The following SRRM4 variants were observed in gnomAD, a reference collection of about 807,000 sequenced individuals.
SRRM4 encodes serine/arginine repetitive matrix protein 4.
A neutral mutation model predicts 68.9 loss-of-function variants in SRRM4; 33 were observed. The observed-to-expected ratio is 0.48, with a 90% CI of 0.36 to 0.64. The LOEUF (loss-of-function observed/expected upper bound fraction) is 0.64. Ranked by LOEUF, SRRM4 falls within the 30% of genes least tolerant of loss-of-function variation. The probability of loss-of-function intolerance (pLI) is 0.00; values close to 1 mark genes in which losing one functional copy is unlikely to be tolerated. For missense variants in SRRM4, 817 were observed against 827.1 expected (o/e 0.99, Z 0.15); for synonymous variants, 318 against 318.8 (o/e 1.00, Z 0.03).
At chr12:119,005,418 A>G (rs957595528) in intron 1 of SRRM4, among the ~76,000 whole-genome samples, 3 of 152,138 alleles carry the variant, frequency 2.0e-5, no homozygotes, top group Non-Finnish European at 2.9e-5. Context: ...CCTGGGCCCC[A>G]CCTCCAGACA....
At chr12:119,107,984 A>G (rs889775357) in intron 2 of SRRM4, among the ~76,000 whole-genome samples, 40 of 152,272 alleles carry the variant, frequency 2.6e-4, no homozygotes, top group African/African-American at 9.1e-4. Flanking sequence ...ACACTGCTTT[A>G]AATGTGTCCC....
At chr12:119,111,512 A>G (rs1954143330) in intron 2 of SRRM4, among the ~76,000 whole-genome samples, 1 of 152,194 alleles carries the variant, frequency 6.6e-6, no homozygotes, top group South Asian at 2.1e-4. Context: ...AGCTGACTGA[A>G]ACAATAGGCT....
chr12:119,008,678 T>G (rs2135996307), intron 1 of SRRM4, among the ~76,000 whole-genome samples: 1 of 152,262 alleles, frequency 6.6e-6, no homozygotes, highest in South Asian at 2.1e-4. Flanking sequence ...CACCTCCAGC[T>G]CCCGGTGAGA....
intron 1 of SRRM4, among the ~76,000 whole-genome samples, chr12:119,016,488 T>C (rs964586207): frequency 2.7e-5 from 4 of 150,160 alleles, no homozygotes; most frequent in East Asian, 2.0e-4. Context: ...AAAGAAAAAA[T>C]AGACTGCTGC....
At chr12:119,125,311 A>C in intron 6 of SRRM4, 70 bp from the exon 7 acceptor site, 2 of 1,384,578 alleles carry the variant, frequency 1.4e-6, no homozygotes, top group Non-Finnish European at 2.0e-6. Context: ...TCACAAGATC[A>C]AATCTCTCAC....
chr12:119,100,916 A>C (rs538950583), intron 1 of SRRM4, among the ~76,000 whole-genome samples: 1 of 152,318 alleles, frequency 6.6e-6, no homozygotes, highest in South Asian at 2.1e-4. Flanking sequence ...AGAAGCCCTA[A>C]TTAGAATCTC....
intron 1 of SRRM4, among the ~76,000 whole-genome samples, chr12:119,003,705 C>G (rs1217724009): frequency 6.6e-6 from 1 of 152,000 alleles, no homozygotes; most frequent in Admixed American, 6.5e-5. Context: ...CCAGCTCCCC[C>G]AGGGGCTTGC....
chr12:119,083,631 C>G (rs1315720552), intron 1 of SRRM4, among the ~76,000 whole-genome samples: 1 of 152,144 alleles, frequency 6.6e-6, no homozygotes, highest in African/African-American at 2.4e-5. Context: ...AAATAAATTA[C>G]TTGCCCCAGA....
At position 119,157,713 on chromosome 12, in the gene SRRM4, C is replaced by G. The variant is rs1256067395; in HGVS notation, c.*915C>G. On this transcript the variant is annotated 3_prime_UTR_variant, in exon 13 of 13. Coordinates refer to ENST00000267260, the MANE Select transcript of SRRM4 (RefSeq NM_194286.4). This position sits in a 1 kb window ranked among gnomAD's most constrained non-coding sequence, Gnocchi z 4.1. Reference sequence around the variant, plus strand: ...CACGGGACCATCTGCTGAACATTCCCCAGTGCCATGGCCAGTTGCCAGGCC... The same window carrying G: ...CACGGGACCATCTGCTGAACATTCCGCAGTGCCATGGCCAGTTGCCAGGCC... The G allele has an allele frequency of 1.3e-5, 2 of 152,442 alleles. No homozygotes were observed. Among genetic ancestry groups the G allele is most frequent in the Non-Finnish European group, 2.9e-5 (2 of 68,206 alleles). The allele number at this position is 152,442 out of a possible 1,614,324, so 9.4% of individuals were successfully genotyped here.
chr12:119,035,212 T>C lies in SRRM4; in HGVS notation c.131+53199T>C, dbSNP rs79876429. Among the ~76,000 whole-genome samples, 545 of 152,298 alleles carry C rather than the reference T, an allele frequency of 3.6e-3. 6 individuals are homozygous for C. The highest frequency in any genetic ancestry group is 0.012 in the African/African-American group (509 of 41,562). On this transcript the variant is annotated intron_variant, in intron 1 of 12. Coordinates refer to ENST00000267260, the MANE Select transcript of SRRM4 (RefSeq NM_194286.4). ...TAACTATATAATTCGTGGGTCACAATTTTTTCCCCCTGAAAACTGCAATGT... is the reference window on the plus strand; with the variant it reads ...TAACTATATAATTCGTGGGTCACAACTTTTTCCCCCTGAAAACTGCAATGT...
rs1953727019 is a variant in SRRM4 at position 119,049,354 on chromosome 12, C to A, written c.132-52882C>A. 3.9e-5 allele frequency among the ~76,000 whole-genome samples: 6 copies of A among 152,220 alleles called. No homozygotes were observed. The South Asian group carries it at 1.2e-3, about 32-fold the overall frequency. ...TGGTGGGTGTATACTTGGCCAGTGT[C>A]ATTGGAGCAATTTGAGAGAAGAGGA... On this transcript the variant is annotated intron_variant, in intron 1 of 12. Transcript: ENST00000267260.
At chr12:119,014,713 GCTCCT>G (rs1953470681) in intron 1 of SRRM4, among the ~76,000 whole-genome samples, 1 of 152,156 alleles carries the variant, frequency 6.6e-6, no homozygotes, top group Admixed American at 6.5e-5. Context: ...GGTACAGTGG[GCTCCT>G]CTGGGGCTGT....
intron 7 of SRRM4, among the ~76,000 whole-genome samples, chr12:119,129,836 G>A (rs1158646123): frequency 6.6e-6 from 1 of 152,162 alleles, no homozygotes. Context: ...TGGCTGAATG[G>A]TTAGATGGAT....
chr12:119,003,161 G>A (rs1953396001), intron 1 of SRRM4, among the ~76,000 whole-genome samples: 1 of 151,834 alleles, frequency 6.6e-6, no homozygotes, highest in South Asian at 2.1e-4. Context: ...TCCCAGCAAG[G>A]AAGGGCATAT....
chr12:118,992,966 A>G (rs1435128000), intron 1 of SRRM4, among the ~76,000 whole-genome samples: 1 of 152,228 alleles, frequency 6.6e-6, no homozygotes, highest in East Asian at 1.9e-4. Flanking sequence ...GGACTAATGA[A>G]GCTAAGAGAT....
chr12:119,068,878 A>G (rs1297772636), intron 1 of SRRM4, among the ~76,000 whole-genome samples: 3 of 152,096 alleles, frequency 2.0e-5, no homozygotes, highest in Non-Finnish European at 4.4e-5. Flanking sequence ...GAATCCCTAC[A>G]TGAGGCGTCG....
chr12:119,020,955 A>G (rs1006859898), intron 1 of SRRM4, among the ~76,000 whole-genome samples: 2 of 152,182 alleles, frequency 1.3e-5, no homozygotes, highest in Non-Finnish European at 2.9e-5. Flanking sequence ...CTGTAGAGGC[A>G]GCGGGAAAGT....
intron 1 of SRRM4, among the ~76,000 whole-genome samples, chr12:119,012,811 A>G (rs1362057702): frequency 6.6e-6 from 1 of 152,148 alleles, no homozygotes; most frequent in Non-Finnish European, 1.5e-5. Flanking sequence ...TCTTGTCTCT[A>G]TTGATACTTC....
intron 1 of SRRM4, among the ~76,000 whole-genome samples, chr12:119,051,362 G>A (rs1473672687): frequency 6.6e-6 from 1 of 152,178 alleles, no homozygotes; most frequent in Admixed American, 6.5e-5. Context: ...TGGGAGAAAA[G>A]TAAACTCCTA....
Sources: allele counts gnomAD v4.1 joint callset (sites outside exome capture counted in the v4.1 genomes callset), GRCh38; gene constraint gnomAD v4.1.1; non-coding constraint Gnocchi (gnomAD v3.1); transcripts MANE v1.5; gene names NCBI Gene and HGNC (gene_info 2026-07-23, HGNC 2026-07-21).